The following RPS6KC1 variants were observed in gnomAD, a reference collection of about 807,000 sequenced individuals.
RPS6KC1 encodes inactive ribosomal protein S6 kinase delta-1.
Under a neutral mutation model 103.8 loss-of-function variants are expected in RPS6KC1, and 54 were observed. The ratio of observed to expected loss-of-function variants is 0.52; its 90% CI spans 0.42 to 0.65. The LOEUF is 0.65. Ranked by LOEUF, RPS6KC1 falls within the 30% of genes least tolerant of loss-of-function variation. The probability of loss-of-function intolerance (pLI) is 0.00; values close to 1 mark genes in which losing one functional copy is unlikely to be tolerated. For synonymous variants in RPS6KC1, 439 were observed against 438.7 expected, an observed-to-expected ratio of 1.00 and a Z score of -0.01; for missense variants, 1,151 against 1,253.8, an observed-to-expected ratio of 0.92 and a Z score of 1.24.
chr1:213,550,330 A>C, the RPS6KC1 span, among the ~76,000 whole-genome samples: 1 of 152,228 alleles, frequency 6.6e-6, no homozygotes, highest in East Asian at 1.9e-4. Context: ...AGGTAAGCAC[A>C]TTTTTCTCCT....
chr1:213,470,349 C>G, the RPS6KC1 span, among the ~76,000 whole-genome samples: 2,129 of 152,216 alleles, frequency 0.014, 54 homozygotes, highest in African/African-American at 0.049. Flanking sequence ...AATTATGGAA[C>G]ACATTGTGTT....
the RPS6KC1 span, among the ~76,000 whole-genome samples, chr1:213,581,320 ATGT>A: frequency 2.0e-5 from 3 of 152,078 alleles, no homozygotes; most frequent in South Asian, 6.2e-4. Flanking sequence ...TGACATTTTA[ATGT>A]TGTATTCTTC....
chr1:213,628,153 G>A, the RPS6KC1 span, among the ~76,000 whole-genome samples: 74 of 152,174 alleles, frequency 4.9e-4, 2 homozygotes, highest in Admixed American at 4.1e-3. Flanking sequence ...GTCTTGGGAG[G>A]GTGTATGTGT....
chr1:213,415,671 C>T, the RPS6KC1 span, among the ~76,000 whole-genome samples: 3 of 152,262 alleles, frequency 2.0e-5, no homozygotes, highest in South Asian at 2.1e-4. Flanking sequence ...TCCCTTCCTG[C>T]GGGGTTCTTT....
chr1:213,854,020 G>A, the RPS6KC1 span, among the ~76,000 whole-genome samples: 1 of 152,208 alleles, frequency 6.6e-6, no homozygotes, highest in Non-Finnish European at 1.5e-5. Flanking sequence ...TTTGTAAGAT[G>A]AGGCAAAAGC....
the RPS6KC1 span, among the ~76,000 whole-genome samples, chr1:213,710,850 C>T: frequency 6.6e-6 from 1 of 152,204 alleles, no homozygotes; most frequent in Non-Finnish European, 1.5e-5. Context: ...GGCCCCCACT[C>T]TCTTCTGGCT....
rs186616878 is a variant in RPS6KC1, at chr1:213,227,649, C to T, written c.1045-2848C>T. ...TTTGCTGGCTGTCAGCCAAGGACTG[C>T]GCTATACTCCTAGAAGTTGCCTAGG... On this transcript the variant is annotated intron_variant, in intron 8 of 14. Coordinates refer to ENST00000366960, the MANE Select transcript of RPS6KC1 (RefSeq NM_012424.6). 3.9e-4 allele frequency among the ~76,000 whole-genome samples: 59 copies of T among 152,274 alleles called. No homozygotes were observed. The East Asian group carries it at 4.4e-3, about 11-fold the overall frequency.
the RPS6KC1 span, among the ~76,000 whole-genome samples, chr1:213,626,152 T>G: frequency 2.6e-5 from 4 of 152,298 alleles, no homozygotes; most frequent in African/African-American, 7.2e-5. Flanking sequence ...TCTCATTGTG[T>G]TTTTGATTTG....
At position 213,176,381 on chromosome 1, in the gene RPS6KC1, C is replaced by T; in HGVS notation, c.952-19C>T. Reference sequence around the variant, plus strand: ...AGTACCTCCCTGATTGATGTATAATCTTTGATATCTTCCATTAGCCTCCAG... The same window carrying T: ...AGTACCTCCCTGATTGATGTATAATTTTTGATATCTTCCATTAGCCTCCAG... On this transcript the variant is annotated intron_variant, in intron 7 of 14. Transcript: ENST00000366960. 6.4e-7 allele frequency: 1 copy of T among 1,567,694 alleles called. No individual in the cohort carries two copies. The highest frequency in any genetic ancestry group is 8.7e-7 in the Non-Finnish European group (1 of 1,143,910).
At chr1:213,222,501 T>C (rs918357812) in intron 8 of RPS6KC1, among the ~76,000 whole-genome samples, 49 of 152,194 alleles carry the variant, frequency 3.2e-4, no homozygotes, top group African/African-American at 1.1e-3. Flanking sequence ...ATGGTGCAGC[T>C]TCTGATGGAC....
chr1:213,450,477 A>T, the RPS6KC1 span, among the ~76,000 whole-genome samples: 1 of 152,114 alleles, frequency 6.6e-6, no homozygotes. Flanking sequence ...TAGCTGCACC[A>T]ACCTCACCCT....
At chr1:213,428,476 C>CCTTCCTT in the RPS6KC1 span, among the ~76,000 whole-genome samples, 15 of 30,684 alleles carry the variant, frequency 4.9e-4, no homozygotes, top group African/African-American at 2.1e-3. Context: ...CTCCCTCCCT[C>CCTTCCTT]CCTCCCTTCC....
At chr1:213,798,184 C>T in the RPS6KC1 span, among the ~76,000 whole-genome samples, 1 of 152,130 alleles carries the variant, frequency 6.6e-6, no homozygotes, top group African/African-American at 2.4e-5. Flanking sequence ...TTAAGCAGGT[C>T]ATTAGGAAGC....
intron 14 of RPS6KC1, among the ~76,000 whole-genome samples, chr1:213,266,445 C>T (rs966552530): frequency 6.6e-6 from 1 of 152,126 alleles, no homozygotes; most frequent in African/African-American, 2.4e-5. Flanking sequence ...AAAATATGTA[C>T]TGTGAGTATT....
At chr1:213,167,792 G>C in intron 6 of RPS6KC1, 66 bp from the exon 7 acceptor site, 2 of 887,154 alleles carry the variant, frequency 2.3e-6, no homozygotes, top group Non-Finnish European at 3.6e-6. Flanking sequence ...TTGGGTAGAA[G>C]GAAGTTAATT....
chr1:213,475,696 C>T, the RPS6KC1 span, among the ~76,000 whole-genome samples: 1 of 152,148 alleles, frequency 6.6e-6, no homozygotes, highest in Non-Finnish European at 1.5e-5. Context: ...ACTGTTTGAG[C>T]TTCCAGGACT....
chr1:213,089,757 C>T (rs541532110), intron 3 of RPS6KC1, among the ~76,000 whole-genome samples: 3 of 152,244 alleles, frequency 2.0e-5, no homozygotes, highest in Admixed American at 6.5e-5. Flanking sequence ...CCACCGCGCC[C>T]GGCCCCATTT....
chr1:213,358,095 C>CT, the RPS6KC1 span, among the ~76,000 whole-genome samples: 1 of 152,134 alleles, frequency 6.6e-6, no homozygotes, highest in Non-Finnish European at 1.5e-5. Context: ...CTAAACTTCT[C>CT]TTTTTTTGTT....
At chr1:213,400,888 G>A in the RPS6KC1 span, among the ~76,000 whole-genome samples, 1 of 151,996 alleles carries the variant, frequency 6.6e-6, no homozygotes, top group Non-Finnish European at 1.5e-5. Context: ...TGTATTTTTA[G>A]TAGAGATGGG....
Sources: gnomAD v4.1 joint callset for allele counts (sites outside exome capture counted in the v4.1 genomes callset) on GRCh38, gnomAD v4.1.1 for gene constraint, MANE v1.5 for transcripts, NCBI Gene and HGNC (gene_info 2026-07-23, HGNC 2026-07-21) for gene names.